CDK2AP1: variants seen among roughly 807,000 people sequenced by gnomAD.
CDK2AP1 encodes the protein cyclin-dependent kinase 2-associated protein 1.
A neutral mutation model predicts 14.1 loss-of-function variants in CDK2AP1; 10 were observed. That is an observed-to-expected ratio of 0.71 (90% confidence interval 0.44 to 1.20). CDK2AP1 has a LOEUF of 1.20. Ranked by LOEUF, CDK2AP1 falls within the 50% of genes most tolerant of loss-of-function variation. The pLI is 0.00. For synonymous variants in CDK2AP1, 59 were observed against 59.8 expected (o/e 0.99, Z 0.06); for missense variants, 102 against 149.9 (o/e 0.68, Z 1.67).
At chr12:123,270,924 C>CT (rs2048347948) in intron 1 of CDK2AP1, 1 of 985,316 alleles carries the variant, frequency 1.0e-6, no homozygotes, top group African/African-American at 1.7e-5. Flanking sequence ...GGGGTAGCCC[C>CT]TGCTCCCACG....
At chr12:123,271,167 C>T (rs1402473037) in intron 1 of CDK2AP1, 23 of 299,594 alleles carry the variant, frequency 7.7e-5, no homozygotes, top group Non-Finnish European at 9.7e-5. Context: ...GGGCCCCGCG[C>T]CCCGCTCCCG....
chr12:123,264,462 CAAAA>C (rs1167157405), intron 3 of CDK2AP1, among the ~76,000 whole-genome samples: 21 of 69,860 alleles, frequency 3.0e-4, no homozygotes, highest in South Asian at 1.2e-3. Flanking sequence ...CTCCGTCTCC[CAAAA>C]AAAAAAAAAA....
At chr12:123,264,983 C>G (rs1485986781) in intron 3 of CDK2AP1, among the ~76,000 whole-genome samples, 1 of 152,108 alleles carries the variant, frequency 6.6e-6, no homozygotes. Flanking sequence ...TCCCAGAAGA[C>G]CCCTCTGAAG....
chr12:123,263,426 G>A, intron 3 of CDK2AP1, among the ~76,000 whole-genome samples: 1 of 152,164 alleles, frequency 6.6e-6, no homozygotes, highest in East Asian at 1.9e-4. Flanking sequence ...CTGGCAGTTT[G>A]TACGCATTTG....
chr12:123,265,409 A>G lies in CDK2AP1; in HGVS notation c.154-87T>C. On this transcript the variant is annotated intron_variant, in intron 2 of 3. Coordinates refer to ENST00000261692, the MANE Select transcript of CDK2AP1 (RefSeq NM_004642.4). This position sits in a 1 kb window ranked among gnomAD's most constrained non-coding sequence, Gnocchi z 5.3. ...TCCCAGTTACTCAGGAGGCTGAGGC[A>G]GGAGAACTGCTTGGACCCAGGAGGT... 7.5e-7 allele frequency: 1 copy of G among 1,341,926 alleles called. No homozygotes were observed. Among genetic ancestry groups the G allele is most frequent in the Non-Finnish European group, 1.1e-6 (1 of 945,104 alleles). The allele number at this position is 1,341,926 out of a possible 1,614,324, so 83.1% of individuals were successfully genotyped here. A position where few individuals can be genotyped will look rare whatever the true frequency, so the allele number is the denominator to read the frequency against.
chr12:123,266,169 C>T (rs561294360), intron 2 of CDK2AP1, among the ~76,000 whole-genome samples: 11 of 152,368 alleles, frequency 7.2e-5, no homozygotes, highest in African/African-American at 2.2e-4. Flanking sequence ...CCTCCACCAC[C>T]GCCTCTGTCC....
intron 1 of CDK2AP1, chr12:123,270,819 G>A: frequency 1.0e-6 from 1 of 984,870 alleles, no homozygotes; most frequent in Non-Finnish European, 1.2e-6. Context: ...GTGACCCACT[G>A]CCCCCACGCC....
chr12:123,270,520 A>T lies in CDK2AP1; in HGVS notation c.55+1044T>A, dbSNP rs557886717. 1.4e-4 allele frequency among the ~76,000 whole-genome samples: 21 copies of T among 152,178 alleles called. No individual in the cohort carries two copies. In the South Asian group the frequency reaches 2.5e-3, roughly 18 times the overall value. On this transcript the variant is annotated intron_variant, in intron 1 of 3. Transcript: ENST00000261692. ...GTCCTTCCCCCCATCCCGCCCCGCA[A>T]CACAACCGCCTTTTGGGAAGTCTGT...
At chr12:123,268,157 T>C in intron 1 of CDK2AP1, 1 of 976,600 alleles carries the variant, frequency 1.0e-6, no homozygotes, top group Non-Finnish European at 1.2e-6. Flanking sequence ...GCGGTAACCA[T>C]GGAGAATTTA....
intron 1 of CDK2AP1, among the ~76,000 whole-genome samples, 192 bp downstream of exon 1, chr12:123,271,372 G>C (rs2138827103): frequency 6.8e-6 from 1 of 147,456 alleles, no homozygotes; most frequent in South Asian, 2.1e-4. Flanking sequence ...GGCCCTCGGC[G>C]TGCGGGGCGC....
intron 1 of CDK2AP1, chr12:123,270,354 T>C (rs1043408115): frequency 7.5e-5 from 13 of 173,956 alleles, no homozygotes; most frequent in African/African-American, 2.6e-4. Context: ...GTGTCCAAGA[T>C]TTTTTTTAGG....
In CDK2AP1 at chr12:123,268,760, A is replaced by G. The variant is rs570214648; in HGVS notation, c.56-1478T>C. Reference sequence around the variant, plus strand: ...GGGAGGGGGACGCACAACGCCCACGATATCTGGCACGTCCATGGCCACTGC... The same window carrying G: ...GGGAGGGGGACGCACAACGCCCACGGTATCTGGCACGTCCATGGCCACTGC... On this transcript the variant is annotated intron_variant, in intron 1 of 3. Transcript: ENST00000261692. Among the ~76,000 whole-genome samples, 6 of 152,272 alleles carry G rather than the reference A, an allele frequency of 3.9e-5. No individual in the cohort carries two copies. In the East Asian group the frequency reaches 7.7e-4, roughly 20 times the overall value.
Position 123,267,289 on chromosome 12 carries a change from G to A in CDK2AP1, c.56-7C>T, listed in dbSNP as rs1367942838. 2 of 1,589,302 alleles carry A rather than the reference G, an allele frequency of 1.3e-6. No individual in the cohort carries two copies. The highest frequency in any genetic ancestry group is 1.7e-6 in the Non-Finnish European group (2 of 1,157,792). On this transcript the variant is annotated splice_region_variant and splice_polypyrimidine_tract_variant and intron_variant, in intron 1 of 3. Transcript: ENST00000261692. ...GGCGAGTGGACACTCCCAGCTGTGG[G>A]GTGGGGAGAGAGAGGCCAGGAGTCA...
In CDK2AP1 at chr12:123,270,775, C is replaced by G. The variant is rs905459557; in HGVS notation, c.55+789G>C. 391 of 948,356 alleles carry G rather than the reference C, an allele frequency of 4.1e-4. 6 individuals are homozygous for G. Among genetic ancestry groups the G allele is most frequent in the Middle Eastern group, 1.6e-3 (3 of 1,856 alleles). 58.7% of individuals were successfully genotyped at this position (948,356 alleles called of 1,614,324 possible). A position where few individuals can be genotyped will look rare whatever the true frequency, so the allele number is the denominator to read the frequency against. On this transcript the variant is annotated intron_variant, in intron 1 of 3. Transcript: ENST00000261692. ...CTTCTGCATCGAGGGCCTTCCAGGG[C>G]CAGCCCTTGGGGGCTCCCAGATGGG... is the stretch of plus-strand genomic sequence containing the variant.
chr12:123,271,050 C>T, intron 1 of CDK2AP1: 1 of 950,228 alleles, frequency 1.1e-6, no homozygotes, highest in Non-Finnish European at 1.2e-6. Context: ...AGCCCCGCAG[C>T]CCCGCAGCCC....
chr12:123,267,997 C>T (rs771530891), intron 1 of CDK2AP1: 1 of 165,600 alleles, frequency 6.0e-6, no homozygotes, highest in East Asian at 1.9e-4. Flanking sequence ...TGGGGCCTGT[C>T]CAGAGCTGCA....
intron 1 of CDK2AP1, chr12:123,271,029 G>C (rs2048348970): frequency 2.3e-6 from 2 of 883,330 alleles, no homozygotes; most frequent in African/African-American, 2.2e-5. Flanking sequence ...CAGGGCCCCC[G>C]GCAGCCCGGC....
rs770478136 is a variant in CDK2AP1 at position 123,267,687 on chromosome 12, C to T, written c.56-405G>A. The T allele has an allele frequency of 6.1e-4, 112 of 182,300 alleles. 1 individual carries two copies. Among genetic ancestry groups the T allele is most frequent in the Non-Finnish European group, 3.0e-4 (26 of 85,920 alleles). 11.3% of individuals were successfully genotyped at this position (182,300 alleles called of 1,614,324 possible). On this transcript the variant is annotated intron_variant, in intron 1 of 3. Coordinates refer to ENST00000261692, the MANE Select transcript of CDK2AP1 (RefSeq NM_004642.4). ...GCCACATAGGCTGGTCGAAACCAGG[C>T]TGAGCTTCCAAGCCTTTTTGCTTCT...
chr12:123,269,452 C>T lies in CDK2AP1; in HGVS notation c.55+2112G>A, dbSNP rs547629646. Reference sequence around the variant, plus strand: ...GAGATGGCGGAAGGGCTCCGAGTTCCACTCCTGGTCACTCCTTCCTGCAGA... The same window carrying T: ...GAGATGGCGGAAGGGCTCCGAGTTCTACTCCTGGTCACTCCTTCCTGCAGA... On this transcript the variant is annotated intron_variant, in intron 1 of 3. Transcript: ENST00000261692. 7.2e-5 allele frequency among the ~76,000 whole-genome samples: 11 copies of T among 152,296 alleles called. 1 individual carries two copies. The East Asian group carries it at 2.1e-3, about 29-fold the overall frequency.
Sources: allele counts gnomAD v4.1 joint callset (sites outside exome capture counted in the v4.1 genomes callset), GRCh38; gene constraint gnomAD v4.1.1; non-coding constraint Gnocchi (gnomAD v3.1); transcripts MANE v1.5; gene names NCBI Gene and HGNC (gene_info 2026-07-23, HGNC 2026-07-21).